AGBL4: variants seen among roughly 807,000 people sequenced by gnomAD.
AGBL4 encodes cytosolic carboxypeptidase 6.
In AGBL4, 58 loss-of-function variants were observed where a neutral mutation model predicts 66.4. That is an observed-to-expected ratio of 0.87 (90% CI 0.71 to 1.09). AGBL4 has a LOEUF of 1.09. Ranked by LOEUF, AGBL4 falls within the 50% of genes least tolerant of loss-of-function variation. The pLI is 0.00. For missense variants in AGBL4, 579 were observed against 631.0 expected (o/e 0.92, Z 0.88); for synonymous variants, 234 against 222.9 (o/e 1.05, Z -0.44).
chr1:49,622,602 C>A (rs1207292794), intron 3 of AGBL4, among the ~76,000 whole-genome samples: 2 of 124,306 alleles, frequency 1.6e-5, no homozygotes, highest in Non-Finnish European at 3.2e-5. Context: ...GCACTCCAGC[C>A]TGGGCGACAG....
chr1:49,027,810 CA>C (rs1663846142), intron 5 of AGBL4, among the ~76,000 whole-genome samples: 1 of 152,104 alleles, frequency 6.6e-6, no homozygotes, highest in African/African-American at 2.4e-5. Flanking sequence ...TATTAGAAGC[CA>C]AATGCCCTCG....
At chr1:49,380,129 A>G (rs1294094986) in intron 3 of AGBL4, among the ~76,000 whole-genome samples, 3 of 152,178 alleles carry the variant, frequency 2.0e-5, no homozygotes, top group Non-Finnish European at 4.4e-5. Flanking sequence ...AATCTCCTTA[A>G]GCTGATAAGC....
chr1:49,168,003 A>C (rs1646664809), intron 4 of AGBL4, among the ~76,000 whole-genome samples: 1 of 152,220 alleles, frequency 6.6e-6, no homozygotes, highest in South Asian at 2.1e-4. Flanking sequence ...ACATTGTCTT[A>C]GGTATTTAAA....
At chr1:49,458,626 G>T (rs1479455390) in intron 3 of AGBL4, among the ~76,000 whole-genome samples, 2 of 151,720 alleles carry the variant, frequency 1.3e-5, no homozygotes, top group Non-Finnish European at 2.9e-5. Flanking sequence ...TCCTTGTCTT[G>T]TTCCAGTTCT....
intron 3 of AGBL4, among the ~76,000 whole-genome samples, chr1:49,555,564 A>C (rs1312927570): frequency 6.7e-6 from 1 of 148,666 alleles, no homozygotes; most frequent in Non-Finnish European, 1.5e-5. Flanking sequence ...AAGGTTTGTA[A>C]ATGCACCAAT....
chr1:50,016,007 A>C (rs2148444734), intron 1 of AGBL4, among the ~76,000 whole-genome samples: 1 of 152,292 alleles, frequency 6.6e-6, no homozygotes, highest in South Asian at 2.1e-4. Flanking sequence ...AAATGTAAAA[A>C]CTAAAACTGT....
At chr1:49,129,299 T>C (rs1202587588) in intron 4 of AGBL4, among the ~76,000 whole-genome samples, 2 of 151,940 alleles carry the variant, frequency 1.3e-5, no homozygotes, top group South Asian at 4.1e-4. Context: ...TTTTTTGTTG[T>C]TGTTGTTGTT....
chr1:48,841,794 T>C (rs1254834360), intron 6 of AGBL4, among the ~76,000 whole-genome samples: 1 of 152,130 alleles, frequency 6.6e-6, no homozygotes, highest in African/African-American at 2.4e-5. Context: ...GAGTCTATTT[T>C]AAGAGTCATA....
chr1:49,324,914 A>T (rs1645198935), intron 3 of AGBL4, among the ~76,000 whole-genome samples: 1 of 152,210 alleles, frequency 6.6e-6, no homozygotes, highest in East Asian at 1.9e-4. Flanking sequence ...CACAGTCCTT[A>T]TATTAGGAAC....
At chr1:48,811,950 A>C (rs1366203698) in intron 6 of AGBL4, among the ~76,000 whole-genome samples, 1 of 152,210 alleles carries the variant, frequency 6.6e-6, no homozygotes, top group East Asian at 1.9e-4. Context: ...GCAAGGTCTT[A>C]CACAGGGATT....
chr1:49,899,121 A>G (rs78664453), intron 1 of AGBL4, among the ~76,000 whole-genome samples: 1 of 152,174 alleles, frequency 6.6e-6, no homozygotes, highest in Admixed American at 6.5e-5. Context: ...AATAACTAAA[A>G]GAGTGTAATT....
intron 9 of AGBL4, among the ~76,000 whole-genome samples, chr1:48,612,581 T>G (rs1184965578): frequency 6.6e-6 from 1 of 152,218 alleles, no homozygotes; most frequent in Non-Finnish European, 1.5e-5. Context: ...ACAAATCTCT[T>G]GAAATCCTAC....
intron 6 of AGBL4, among the ~76,000 whole-genome samples, chr1:48,715,312 G>C (rs1450558050): frequency 6.6e-6 from 1 of 152,150 alleles, no homozygotes. Context: ...AGTCCTTCTT[G>C]ATGTCCCTGA....
chr1:48,693,266 GA>G (rs1247825000), intron 6 of AGBL4, among the ~76,000 whole-genome samples: 1 of 152,126 alleles, frequency 6.6e-6, no homozygotes, highest in African/African-American at 2.4e-5. Context: ...GAGTGTATCT[GA>G]AGACTATTTG....
At chr1:48,676,800 C>T (rs1315736603) in intron 6 of AGBL4, among the ~76,000 whole-genome samples, 2 of 152,158 alleles carry the variant, frequency 1.3e-5, no homozygotes, top group African/African-American at 4.8e-5. Flanking sequence ...AACCATGCAG[C>T]AGCTTTGTAA....
intron 9 of AGBL4, among the ~76,000 whole-genome samples, chr1:48,630,083 G>C (rs79359539): frequency 2.5e-3 from 373 of 152,234 alleles, no homozygotes; most frequent in African/African-American, 8.6e-3. Flanking sequence ...GGCAAACAGG[G>C]GCCAGGCCAC....
At chr1:49,787,945 A>G (rs1644501558) in intron 2 of AGBL4, among the ~76,000 whole-genome samples, 2 of 152,322 alleles carry the variant, frequency 1.3e-5, no homozygotes, top group Middle Eastern at 3.4e-3. Context: ...TCCACCATAA[A>G]TTATATTTTT....
intron 6 of AGBL4, among the ~76,000 whole-genome samples, chr1:48,670,512 C>T (rs182590416): frequency 1.3e-5 from 2 of 152,346 alleles, no homozygotes; most frequent in East Asian, 1.9e-4. Context: ...ATCTGAGATA[C>T]AGGCGGCTTG....
intron 6 of AGBL4, among the ~76,000 whole-genome samples, chr1:48,789,036 A>G (rs1645475183): frequency 3.3e-5 from 5 of 152,310 alleles, no homozygotes; most frequent in East Asian, 1.9e-4. Context: ...TTCTGATAAT[A>G]AACTTGGAAA....
Sources: gnomAD v4.1 joint callset for allele counts (sites outside exome capture counted in the v4.1 genomes callset) on GRCh38, gnomAD v4.1.1 for gene constraint, MANE v1.5 for transcripts, NCBI Gene and HGNC (gene_info 2026-07-23, HGNC 2026-07-21) for gene names.